Variants in BRD4 observed in about 807,000 individuals in gnomAD.
The protein encoded by BRD4 is bromodomain-containing protein 4.
Under a neutral mutation model 142.1 loss-of-function variants are expected in BRD4, and 16 were observed. The observed-to-expected ratio is 0.11, with a 90% CI of 0.08 to 0.17. The LOEUF is 0.17. Ranked by LOEUF, BRD4 falls within the 10% of genes least tolerant of loss-of-function variation. The probability of loss-of-function intolerance (pLI) is 1.00; values close to 1 mark genes in which losing one functional copy is unlikely to be tolerated. For missense variants in BRD4, 1,424 were observed against 1,810.9 expected (o/e 0.79, Z 3.88); for synonymous variants, 833 against 707.5 (o/e 1.18, Z -2.82).
Position 15,243,258 on chromosome 19 carries a change from CT to C in BRD4, c.2810del (p.Lys937ArgfsTer12). ...GGAGTAGCGGCGTAGGGGGCTGCACCTTCTGCAGCTGCTGCAGGTACAGCTG... is the reference window on the plus strand; with the variant it reads ...GGAGTAGCGGCGTAGGGGGCTGCACCTCTGCAGCTGCTGCAGGTACAGCTG... ...QMQLYLQQLQ[K>X]VQPPTPLLPS... On this transcript the variant is annotated frameshift_variant, in exon 14 of 20. Transcript: ENST00000679869. LOFTEE classifies it high-confidence loss of function. The C allele has an allele frequency of 6.9e-7, 1 of 1,457,832 alleles. No homozygotes were observed. Among genetic ancestry groups the C allele is most frequent in the Admixed American group, 2.4e-5 (1 of 42,276 alleles). 90.3% of individuals were successfully genotyped at this position (1,457,832 alleles called of 1,614,324 possible). A position where few individuals can be genotyped will look rare whatever the true frequency, so the allele number is the denominator to read the frequency against.
At chr19:15,303,007 CAAAA>C (rs1213995194) in intron 1 of BRD4, among the ~76,000 whole-genome samples, 68 of 57,954 alleles carry the variant, frequency 1.2e-3, no homozygotes, top group African/African-American at 4.6e-3. Flanking sequence ...GACTCCGTCG[CAAAA>C]AAAAAAAAAA....
chr19:15,269,141 T>G (rs965280379), intron 2 of BRD4, 99 bp from the exon 3 acceptor site: 17 of 1,389,994 alleles, frequency 1.2e-5, no homozygotes, highest in Non-Finnish European at 1.7e-5. Context: ...CCCTGGCTGC[T>G]CCACAGGTAA....
rs543079231 is a variant in BRD4, at chr19:15,260,394, C to G, written c.1341+3026G>C. On this transcript the variant is annotated intron_variant, in intron 7 of 19. Coordinates refer to ENST00000679869, the MANE Select transcript of BRD4 (RefSeq NM_001379291.1). Reference sequence around the variant, plus strand: ...CCCCTTCCCTGATGGAGAATTTGCTCTCTACCTGCTGATGCAGAGAAAGTA... The same window carrying G: ...CCCCTTCCCTGATGGAGAATTTGCTGTCTACCTGCTGATGCAGAGAAAGTA... 1.8e-3 allele frequency among the ~76,000 whole-genome samples: 278 copies of G among 152,200 alleles called. 1 individual carries two copies. The highest frequency in any genetic ancestry group is 3.1e-3 in the Non-Finnish European group (211 of 68,032).
In BRD4 at chr19:15,238,290, GCTGATCCCAC is replaced by G. The variant is rs1399769724; in HGVS notation, c.*77_*86del. The G allele has an allele frequency of 6.3e-7, 1 of 1,583,508 alleles. No individual in the cohort carries two copies. The highest frequency in any genetic ancestry group is 1.3e-5 in the African/African-American group (1 of 74,242). On this transcript the variant is annotated 3_prime_UTR_variant, in exon 20 of 20. Transcript: ENST00000679869. The surrounding 1 kb of genome is among the most constrained non-coding windows in gnomAD (Gnocchi z 7.2). Reference sequence around the variant, plus strand: ...CCAGGCCCTGAGGCATCCCCTGGCCGCTGATCCCACCTCCACCACCGCCCCTAACACTATG... The same window carrying G: ...CCAGGCCCTGAGGCATCCCCTGGCCGCTCCACCACCGCCCCTAACACTATG...
chr19:15,304,399 G>A (rs140540663), intron 1 of BRD4, among the ~76,000 whole-genome samples: 117 of 152,332 alleles, frequency 7.7e-4, no homozygotes, highest in African/African-American at 2.7e-3. Context: ...TGTGCCGGGG[G>A]AGTAGGAAAC....
intron 7 of BRD4, among the ~76,000 whole-genome samples, chr19:15,261,238 G>A (rs141948604): frequency 6.6e-6 from 1 of 152,304 alleles, no homozygotes; most frequent in East Asian, 1.9e-4. Flanking sequence ...TGTAATTCCA[G>A]CACTTTGGGA....
intron 1 of BRD4, among the ~76,000 whole-genome samples, chr19:15,295,592 T>A (rs2047816346): frequency 1.3e-5 from 2 of 152,330 alleles, no homozygotes; most frequent in Non-Finnish European, 1.5e-5. Flanking sequence ...CTACTCTTTT[T>A]CAATCATACT....
chr19:15,322,697 CAAAAAAAAA>C (rs78397797), intron 1 of BRD4, among the ~76,000 whole-genome samples: 3 of 92,298 alleles, frequency 3.3e-5, no homozygotes, highest in Non-Finnish European at 6.5e-5. Context: ...CTAAAAAATA[CAAAAAAAAA>C]AAAAAAAAAA....
chr19:15,311,943 T>C (rs1246652621), intron 1 of BRD4, among the ~76,000 whole-genome samples: 3 of 152,100 alleles, frequency 2.0e-5, no homozygotes, highest in Non-Finnish European at 4.4e-5. Context: ...GAAAAGGAAG[T>C]TATTCGAAGG....
intron 1 of BRD4, chr19:15,280,315 G>A (rs1370542681): frequency 9.9e-7 from 1 of 1,012,156 alleles, no homozygotes; most frequent in Non-Finnish European, 1.2e-6. Flanking sequence ...ATCCTACACG[G>A]GTCTTTGGCT....
At chr19:15,318,412 A>G (rs1353797057) in intron 1 of BRD4, among the ~76,000 whole-genome samples, 1 of 152,058 alleles carries the variant, frequency 6.6e-6, no homozygotes, top group South Asian at 2.1e-4. Flanking sequence ...TTATGGTATT[A>G]TATTTCCTAT....
intron 10 of BRD4, 80 bp downstream of exon 10, chr19:15,255,217 G>A (rs2145569252): frequency 1.5e-6 from 2 of 1,327,770 alleles, no homozygotes; most frequent in Non-Finnish European, 2.1e-6. Context: ...GGCGCAGAAA[G>A]AGTGGACTGA....
At position 15,235,664 on chromosome 19, in the gene BRD4, A is replaced by G. The variant is rs942714864; in HGVS notation, c.*2713T>C. The stretch of plus-strand genomic sequence containing the variant: ...TAATACAAGTCTCAGATTCACTGAC[A>G]TAATTATTGGCCAAGCGATCCGTGC... On this transcript the variant is annotated 3_prime_UTR_variant, in exon 20 of 20. Transcript: ENST00000679869. The G allele has an allele frequency of 1.3e-5, 2 of 152,138 alleles. No individual in the cohort carries two copies. Among genetic ancestry groups the G allele is most frequent in the Non-Finnish European group, 2.9e-5 (2 of 68,040 alleles). 9.4% of individuals were successfully genotyped at this position (152,138 alleles called of 1,614,324 possible).
intron 7 of BRD4, among the ~76,000 whole-genome samples, chr19:15,259,437 G>A (rs914539115): frequency 6.6e-6 from 1 of 152,186 alleles, no homozygotes; most frequent in South Asian, 2.1e-4. Context: ...TCACTCTGAG[G>A]CCTCCTTCCA....
At chr19:15,258,343 G>T (rs2047434864) in intron 7 of BRD4, among the ~76,000 whole-genome samples, 1 of 151,888 alleles carries the variant, frequency 6.6e-6, no homozygotes, top group Non-Finnish European at 1.5e-5. Flanking sequence ...TTTTTTTTTG[G>T]AGACAGTCTT....
chr19:15,262,741 A>G (rs2047486864), intron 7 of BRD4, among the ~76,000 whole-genome samples: 1 of 152,118 alleles, frequency 6.6e-6, no homozygotes, highest in Admixed American at 6.5e-5. Flanking sequence ...AAAACAAAAA[A>G]AATAGAAAAG....
At chr19:15,251,166 TCCTG>T (rs2145548719) in intron 11 of BRD4, among the ~76,000 whole-genome samples, 1 of 152,036 alleles carries the variant, frequency 6.6e-6, no homozygotes, top group South Asian at 2.1e-4. Context: ...GCCATCCTCC[TCCTG>T]CCTGTGTTCC....
intron 1 of BRD4, among the ~76,000 whole-genome samples, chr19:15,308,359 CGGGT>C (rs2047935888): frequency 6.6e-6 from 1 of 150,982 alleles, no homozygotes; most frequent in South Asian, 2.1e-4. Context: ...GAGGCCCAGG[CGGGT>C]GAATTACGAT....
At chr19:15,253,216 AG>A (rs2047366421) in intron 11 of BRD4, 1 of 384,654 alleles carries the variant, frequency 2.6e-6, no homozygotes, top group African/African-American at 2.0e-5. Context: ...CCGTAAACAC[AG>A]GATGTTAGCT....
Sources: allele counts gnomAD v4.1 joint callset (sites outside exome capture counted in the v4.1 genomes callset), GRCh38; gene constraint gnomAD v4.1.1; non-coding constraint Gnocchi (gnomAD v3.1); transcripts MANE v1.5; gene names NCBI Gene and HGNC (gene_info 2026-07-23, HGNC 2026-07-21).